The following BAZ2B variants were observed in gnomAD, a reference collection of about 807,000 sequenced individuals.
BAZ2B encodes bromodomain adjacent to zinc finger domain protein 2B.
Under a neutral mutation model 246.0 loss-of-function variants are expected in BAZ2B, and 91 were observed. The observed-to-expected ratio is 0.37, with a 90% CI of 0.31 to 0.44. The LOEUF (loss-of-function observed/expected upper bound fraction) is 0.44, where lower values mean the gene tolerates loss of function less well. BAZ2B is among the 20% of genes least tolerant of loss of function. The pLI is 1.00. For missense variants in BAZ2B, 2,332 were observed against 2,533.7 expected (o/e 0.92, Z 1.71); for synonymous variants, 855 against 860.0 (o/e 0.99, Z 0.10).
At chr2:159,373,587 C>T (rs1438670883) in intron 26 of BAZ2B, among the ~76,000 whole-genome samples, 1 of 152,052 alleles carries the variant, frequency 6.6e-6, no homozygotes, top group African/African-American at 2.4e-5. Context: ...TCCCAGCACT[C>T]TGGGAGGCTG....
At chr2:159,385,395 G>T (rs377490502) in intron 22 of BAZ2B, 26 bp from the exon 23 acceptor site, 449 of 1,577,722 alleles carry the variant, frequency 2.8e-4, no homozygotes, top group Non-Finnish European at 3.6e-4. Flanking sequence ...ATTTTTATCA[G>T]TATTACTCAC....
At chr2:159,559,380 A>G (rs1298242275) in intron 1 of BAZ2B, among the ~76,000 whole-genome samples, 3 of 152,238 alleles carry the variant, frequency 2.0e-5, no homozygotes, top group Non-Finnish European at 4.4e-5. Flanking sequence ...ATGGTAACAG[A>G]GTCAATACAA....
At chr2:159,490,606 G>C (rs1057439246) in intron 2 of BAZ2B, among the ~76,000 whole-genome samples, 5 of 152,046 alleles carry the variant, frequency 3.3e-5, no homozygotes, top group Non-Finnish European at 7.4e-5. Context: ...CTGCAGCCTC[G>C]ATCTTCCCTG....
At chr2:159,668,209 C>A in the BAZ2B span, among the ~76,000 whole-genome samples, 1 of 152,092 alleles carries the variant, frequency 6.6e-6, no homozygotes, top group Non-Finnish European at 1.5e-5. Context: ...ATATTATATT[C>A]TTTAACATTG....
At chr2:159,586,884 A>C (rs1220730176) in intron 1 of BAZ2B, among the ~76,000 whole-genome samples, 2 of 152,136 alleles carry the variant, frequency 1.3e-5, no homozygotes, top group Non-Finnish European at 2.9e-5. Flanking sequence ...TGATCTTACA[A>C]GATCTTACAA....
the BAZ2B span, among the ~76,000 whole-genome samples, chr2:159,648,116 C>T: frequency 6.6e-6 from 1 of 151,926 alleles, no homozygotes; most frequent in South Asian, 2.1e-4. Context: ...TTGCCCTCTC[C>T]CACTATTTGT....
intron 27 of BAZ2B, among the ~76,000 whole-genome samples, chr2:159,358,901 C>A (rs1339377065): frequency 6.6e-6 from 1 of 152,146 alleles, no homozygotes; most frequent in Admixed American, 6.5e-5. Flanking sequence ...TAAATAAGTT[C>A]TTTGAAACCA....
intron 3 of BAZ2B, among the ~76,000 whole-genome samples, chr2:159,474,003 A>G (rs1047572548): frequency 1.3e-5 from 2 of 152,156 alleles, no homozygotes; most frequent in African/African-American, 4.8e-5. Flanking sequence ...CTTTAGAATA[A>G]GTGAGACGTG....
chr2:159,704,143 T>C, the BAZ2B span, among the ~76,000 whole-genome samples: 1 of 152,216 alleles, frequency 6.6e-6, no homozygotes, highest in Non-Finnish European at 1.5e-5. Context: ...AAACTTAGAA[T>C]GGACTCTGGG....
In BAZ2B at chr2:159,349,790, G is replaced by A. The variant is rs200700683; in HGVS notation, c.4781C>T (p.Ser1594Leu). ...AAGAGGAGCTGGGGTAGGTGAAGGT[G>A]ACTTAGATGGTGGCTGAGACTGAGG... ...VTPQSQPPSK[S>L]PSPTPAPLGS... The change falls in exon 28 of 37, where the codon TCA becomes TTA. Residue 1594 changes from serine (S) to leucine (L), a missense_variant. Around this residue, in one of 9 missense-constraint regions of BAZ2B, gnomAD observed 676 missense variants for 668.6 expected, o/e 1.01. Coordinates refer to ENST00000392783, the MANE Select transcript of BAZ2B (RefSeq NM_013450.4). The A allele has an allele frequency of 6.2e-7, 1 of 1,614,134 alleles. No individual in the cohort carries two copies. Among genetic ancestry groups the A allele is most frequent in the African/African-American group, 1.3e-5 (1 of 75,044 alleles).
At chr2:159,694,455 A>G in the BAZ2B span, 1 of 152,126 alleles carries the variant, frequency 6.6e-6, no homozygotes, top group Non-Finnish European at 1.5e-5. Context: ...CATCACCTCA[A>G]AAAGAAACCC....
At chr2:159,531,055 A>G (rs1348452906) in intron 2 of BAZ2B, among the ~76,000 whole-genome samples, 1 of 152,196 alleles carries the variant, frequency 6.6e-6, no homozygotes, top group Non-Finnish European at 1.5e-5. Context: ...AAAATAAATA[A>G]AAGTCTCTGA....
chr2:159,394,418 G>A (rs537587529), intron 20 of BAZ2B, among the ~76,000 whole-genome samples: 65 of 151,976 alleles, frequency 4.3e-4, no homozygotes, highest in African/African-American at 1.5e-3. Context: ...ACAATTCCAC[G>A]CACAGATGTA....
intron 2 of BAZ2B, among the ~76,000 whole-genome samples, chr2:159,490,507 A>G (rs13028401): frequency 0.15 from 22,757 of 152,010 alleles, 1,953 homozygotes; most frequent in South Asian, 0.27. Context: ...TTTGGGTTTT[A>G]GAGTTTTTTT....
intron 13 of BAZ2B, among the ~76,000 whole-genome samples, chr2:159,416,510 A>G (rs2067740873): frequency 6.6e-6 from 1 of 152,200 alleles, no homozygotes; most frequent in Non-Finnish European, 1.5e-5. Flanking sequence ...CTTGGAAGAG[A>G]AGAGTGACTA....
intron 36 of BAZ2B, among the ~76,000 whole-genome samples, chr2:159,321,664 C>T (rs1484859733): frequency 6.6e-6 from 1 of 152,142 alleles, no homozygotes; most frequent in Non-Finnish European, 1.5e-5. Context: ...CACAGAAACA[C>T]AAACATCACG....
At chr2:159,502,246 C>T (rs780055181) in intron 2 of BAZ2B, among the ~76,000 whole-genome samples, 1 of 151,470 alleles carries the variant, frequency 6.6e-6, no homozygotes, top group Non-Finnish European at 1.5e-5. Context: ...GATGGTTGCA[C>T]AACTCTGTGA....
intron 2 of BAZ2B, among the ~76,000 whole-genome samples, chr2:159,485,251 C>G (rs2079686851): frequency 6.6e-6 from 1 of 151,958 alleles, no homozygotes; most frequent in Admixed American, 6.6e-5. Flanking sequence ...AAACAAAAAC[C>G]AGGCAACAAA....
At chr2:159,440,932 G>A (rs1055015410) in intron 6 of BAZ2B, among the ~76,000 whole-genome samples, 2 of 152,062 alleles carry the variant, frequency 1.3e-5, no homozygotes, top group East Asian at 3.9e-4. Flanking sequence ...TCAAAGTAGG[G>A]CAGACAGGAA....
Sources: gnomAD v4.1 joint callset for allele counts (sites outside exome capture counted in the v4.1 genomes callset) on GRCh38, gnomAD v4.1.1 for gene constraint, gnomAD v4.1.1 regional missense constraint, MANE v1.5 for transcripts, NCBI Gene and HGNC (gene_info 2026-07-23, HGNC 2026-07-21) for gene names.